GDF1: variants seen among roughly 807,000 people sequenced by gnomAD.
GDF1 encodes the protein growth differentiation factor 1.
A neutral mutation model predicts 7.4 loss-of-function variants in GDF1; 8 were observed. The ratio of observed to expected loss-of-function variants is 1.09; its 90% confidence interval spans 0.64 to 1.96. The LOEUF is 1.96. GDF1 is among the 30% of genes most tolerant of loss of function. The pLI is 0.00. For missense variants in GDF1, 574 were observed against 551.5 expected (o/e 1.04, Z -0.41); for synonymous variants, 311 against 276.7 (o/e 1.12, Z -1.23).
chr19:18,868,850 C>T lies in GDF1; in HGVS notation c.866G>A (p.Arg289His). 6.9e-7 allele frequency: 1 copy of T among 1,447,724 alleles called. No homozygotes were observed. Among genetic ancestry groups the T allele is most frequent in the Non-Finnish European group, 9.2e-7 (1 of 1,092,418 alleles). The allele number at this position is 1,447,724 out of a possible 1,614,324, so 89.7% of individuals were successfully genotyped here. A position where few individuals can be genotyped will look rare whatever the true frequency, so the allele number is the denominator to read the frequency against. The change falls in exon 8 of 8, where the codon CGC becomes CAC. Residue 289 changes from arginine to histidine, a missense_variant. By Grantham distance (29) the Arg-to-His change is conservative. Transcript: ENST00000247005. Reference sequence around the variant, plus strand: ...CTGGCAGTAGTTGGCCAGGAAGCCGCGCGGCGCGATGACCCAGCGGTGCCA... The same window carrying T: ...CTGGCAGTAGTTGGCCAGGAAGCCGTGCGGCGCGATGACCCAGCGGTGCCA... ...VGWHRWVIAP[R>H]GFLANYCQGQ... is the part of the protein sequence containing the mutation.
At chr19:18,873,206 G>A (rs1468748793) in intron 6 of GDF1, among the ~76,000 whole-genome samples, 1 of 152,126 alleles carries the variant, frequency 6.6e-6, no homozygotes, top group African/African-American at 2.4e-5. Flanking sequence ...GGTGAAATTG[G>A]GGGCTGATTT....
At chr19:18,888,994 C>T (rs2056430747) in intron 2 of GDF1, among the ~76,000 whole-genome samples, 1 of 149,466 alleles carries the variant, frequency 6.7e-6, no homozygotes, top group African/African-American at 2.5e-5. Context: ...CAGGTTCAAG[C>T]GATTCTCTTG....
In GDF1 at chr19:18,880,104, T is replaced by C. The variant is rs1014515606; in HGVS notation, c.-571+170A>G. ...ACCCTTGTCCTACTCCTTTCCTGTA[T>C]AGCCCCGCCCCTTCAGTCCCACCCA... is the stretch of plus-strand genomic sequence containing the variant. On this transcript the variant is annotated intron_variant, in intron 4 of 7. Transcript: ENST00000247005. 3.3e-5 allele frequency among the ~76,000 whole-genome samples: 5 copies of C among 150,096 alleles called. No individual in the cohort carries two copies. In the East Asian group the frequency reaches 8.1e-4, roughly 24 times the overall value.
chr19:18,893,412 C>T lies in GDF1; in HGVS notation c.-914+4G>A, dbSNP rs2056544314. On this transcript the variant is annotated splice_donor_region_variant and intron_variant, in intron 2 of 7. Coordinates refer to ENST00000247005, the MANE Select transcript of GDF1 (RefSeq NM_001492.6). ...CCTCCCGGCCATCCCCTCAGGGCCC[C>T]TACCGTAGAAGACAGATGGTGGGTC... 6.3e-7 allele frequency: 1 copy of T among 1,599,954 alleles called. No homozygotes were observed. The highest frequency in any genetic ancestry group is 2.3e-5 in the East Asian group (1 of 44,230).
Position 18,880,345 on chromosome 19 carries a change from G to T in GDF1, c.-642C>A, listed in dbSNP as rs1356635558. 1.9e-6 allele frequency: 3 copies of T among 1,561,908 alleles called. No homozygotes were observed. Among genetic ancestry groups the T allele is most frequent in the South Asian group, 1.2e-5 (1 of 84,716 alleles). ...GCAGCCGATGGTAGGAGCCGCCGCG[G>T]GACTTGAAGTAAATGTTGAGCTTGG... On this transcript the variant is annotated 5_prime_UTR_variant, in exon 4 of 8. Transcript: ENST00000247005.
intron 3 of GDF1, 123 bp downstream of exon 3, chr19:18,883,941 CCCCTGAGCACTCTGACCTTGGAA>C (rs2056280528): frequency 2.5e-6 from 2 of 798,010 alleles, no homozygotes; most frequent in Non-Finnish European, 3.8e-6. Context: ...CCTCGTCGGA[CCCCTGAGCACTCTGACCTTGGAA>C]CCCTGAGCAC....
intron 6 of GDF1, among the ~76,000 whole-genome samples, chr19:18,874,074 T>C (rs1191700264): frequency 1.3e-5 from 2 of 152,054 alleles, no homozygotes; most frequent in African/African-American, 2.4e-5. Flanking sequence ...TGGGTTGAAA[T>C]GTCCTTGAAT....
At chr19:18,874,055 G>A (rs1013300356) in intron 6 of GDF1, among the ~76,000 whole-genome samples, 10 of 152,144 alleles carry the variant, frequency 6.6e-5, no homozygotes, top group Non-Finnish European at 1.3e-4. Flanking sequence ...CAGAGAGCAC[G>A]TTCTCTCCTG....
rs1357573815 is a variant in GDF1 at position 18,879,353 on chromosome 19, A to G, written c.-535T>C. ...ACTGCAGTGACTGGTGGCATACAGG[A>G]CCTTGAGCGGGAACCAGTAGAGGCG... On this transcript the variant is annotated 5_prime_UTR_variant, in exon 5 of 8. Coordinates refer to ENST00000247005, the MANE Select transcript of GDF1 (RefSeq NM_001492.6). 8.8e-6 allele frequency: 14 copies of G among 1,591,288 alleles called. No individual in the cohort carries two copies. The highest frequency in any genetic ancestry group is 1.2e-5 in the Non-Finnish European group (14 of 1,169,284).
rs1290308697 is a variant in GDF1, at chr19:18,893,549, C to A, written c.-1047G>T. ...CGGGCATCTTGGCGGCATCTCTGGGCTGGAGGCAGCACCGCTTCGCCAGGG... is the reference window on the plus strand; with the variant it reads ...CGGGCATCTTGGCGGCATCTCTGGGATGGAGGCAGCACCGCTTCGCCAGGG... On this transcript the variant is annotated 5_prime_UTR_variant, in exon 2 of 8. Coordinates refer to ENST00000247005, the MANE Select transcript of GDF1 (RefSeq NM_001492.6). 1 of 1,610,406 alleles carries A rather than the reference C, an allele frequency of 6.2e-7. No homozygotes were observed. The highest frequency in any genetic ancestry group is 8.5e-7 in the Non-Finnish European group (1 of 1,178,766).
chr19:18,872,687 T>A (rs1237425940), intron 6 of GDF1, among the ~76,000 whole-genome samples: 692 of 60,160 alleles, frequency 0.012, 11 homozygotes, highest in African/African-American at 0.042. Flanking sequence ...AGATAATTTT[T>A]GTATTTTTAG....
Position 18,869,400 on chromosome 19 carries a change from T to G in GDF1, c.326-10A>C. On this transcript the variant is annotated splice_polypyrimidine_tract_variant and intron_variant, in intron 7 of 7. Transcript: ENST00000247005. ...GCCCGGGTGGGCGCACCTGGGGAGG[T>G]AGGAACAGGAACTCGGCTCGCGCTG... is the stretch of plus-strand genomic sequence containing the variant. 8 of 1,523,562 alleles carry G rather than the reference T, an allele frequency of 5.3e-6. No individual in the cohort carries two copies. The highest frequency in any genetic ancestry group is 2.0e-5 in the Admixed American group (1 of 50,290). 94.4% of individuals were successfully genotyped at this position (1,523,562 alleles called of 1,614,324 possible). A position where few individuals can be genotyped will look rare whatever the true frequency, so the allele number is the denominator to read the frequency against.
intron 4 of GDF1, 24 bp downstream of exon 4, chr19:18,880,250 T>TG: frequency 6.6e-7 from 1 of 1,526,676 alleles, no homozygotes; most frequent in Non-Finnish European, 8.8e-7. Flanking sequence ...CCTCCCTCCC[T>TG]GCCCAGCACT....
chr19:18,893,712 C>A, intron 1 of GDF1, 137 bp from the exon 2 acceptor site: 1 of 866,412 alleles, frequency 1.2e-6, no homozygotes, highest in Admixed American at 2.7e-5. Flanking sequence ...CCCACAGCCA[C>A]CTGGAGCATA....
chr19:18,894,252 T>G (rs1014169425), intron 1 of GDF1, among the ~76,000 whole-genome samples: 59 of 7,992 alleles, frequency 7.4e-3, no homozygotes, highest in African/African-American at 0.028. Context: ...GTGCGGTGGG[T>G]GGGTGGGTGG....
chr19:18,895,962 GC>G lies in GDF1; in HGVS notation c.-1213del. The G allele has an allele frequency of 9.3e-7, 1 of 1,077,454 alleles. No individual in the cohort carries two copies. The highest frequency in any genetic ancestry group is 1.1e-6 in the Non-Finnish European group (1 of 889,322). 66.7% of individuals were successfully genotyped at this position (1,077,454 alleles called of 1,614,324 possible). On this transcript the variant is annotated 5_prime_UTR_variant, in exon 1 of 8. An upstream open reading frame in the 5' UTR gains an earlier in-frame stop. Coordinates refer to ENST00000247005, the MANE Select transcript of GDF1 (RefSeq NM_001492.6). The surrounding 1 kb of genome is among the most constrained non-coding windows in gnomAD (Gnocchi z 6.4). ...GCGCCAGCCCCCAGCCGCAGTCCGT[GC>G]AGCCCCGCGCCGCCGCCAGCGCGCT...
chr19:18,874,570 A>G (rs1163105467), intron 6 of GDF1, among the ~76,000 whole-genome samples: 2 of 152,256 alleles, frequency 1.3e-5, no homozygotes, highest in Non-Finnish European at 2.9e-5. Context: ...GAGAGAGGTG[A>G]GAGTGTCTCA....
rs1568309267 is a variant in GDF1 at position 18,895,581 on chromosome 19, CG to C, written c.-1074+242del. On this transcript the variant is annotated intron_variant, in intron 1 of 7. Transcript: ENST00000247005. The surrounding 1 kb of genome is among the most constrained non-coding windows in gnomAD (Gnocchi z 6.4). The stretch of plus-strand genomic sequence containing the variant: ...ACTCACCCCAGCCCGGCCACACCCC[CG>C]CATCTACCCGGTTCCCCCACGCAGC... Among the ~76,000 whole-genome samples the C allele has an allele frequency of 6.6e-6, 1 of 151,944 alleles. No individual in the cohort carries two copies. The highest frequency in any genetic ancestry group is 2.4e-5 in the African/African-American group (1 of 41,368).
chr19:18,875,723 C>G (rs1420237811), intron 6 of GDF1, among the ~76,000 whole-genome samples: 1 of 152,142 alleles, frequency 6.6e-6, no homozygotes, highest in Non-Finnish European at 1.5e-5. Context: ...CCTTAGACAA[C>G]AAGACCAGTG....
Sources: allele counts gnomAD v4.1 joint callset (sites outside exome capture counted in the v4.1 genomes callset), GRCh38; gene constraint gnomAD v4.1.1; non-coding constraint Gnocchi (gnomAD v3.1); transcripts MANE v1.5; gene names NCBI Gene and HGNC (gene_info 2026-07-23, HGNC 2026-07-21).